COL8A2: variants seen among roughly 807,000 people sequenced by gnomAD.
The protein encoded by COL8A2 is collagen type VIII alpha 2 chain, also known as collagen alpha-2(VIII) chain.
In COL8A2, 16 loss-of-function variants were observed where a neutral mutation model predicts 24.0. The ratio of observed to expected loss-of-function variants is 0.67; its 90% CI spans 0.45 to 1.01. The LOEUF (loss-of-function observed/expected upper bound fraction) is 1.01. Ranked by LOEUF, COL8A2 falls within the 50% of genes least tolerant of loss-of-function variation. The probability of loss-of-function intolerance (pLI) is 0.00; values close to 1 mark genes in which losing one functional copy is unlikely to be tolerated. For missense variants in COL8A2, 818 were observed against 942.4 expected (o/e 0.87, Z 1.73); for synonymous variants, 466 against 424.5 (o/e 1.10, Z -1.20).
In COL8A2 at chr1:36,113,031, T is replaced by C. The variant is rs368995701; in HGVS notation, c.-17+2677A>G. 7.9e-5 allele frequency among the ~76,000 whole-genome samples: 12 copies of C among 152,286 alleles called. No individual in the cohort carries two copies. The South Asian group carries it at 1.0e-3, about 13-fold the overall frequency. On this transcript the variant is annotated intron_variant, in intron 2 of 3. Coordinates refer to ENST00000397799, the MANE Select transcript of COL8A2 (RefSeq NM_005202.4). ...GAGGCATGCTTTAGACTCAGTAGAA[T>C]GTGGACCAGTTAGGAAGGAGGGGGT... is the stretch of plus-strand genomic sequence containing the variant.
rs1435459936 is a variant in COL8A2, at chr1:36,095,607, T to C, written c.*1962A>G. The C allele has an allele frequency of 6.6e-6, 1 of 152,122 alleles. No individual in the cohort carries two copies. The highest frequency in any genetic ancestry group is 6.5e-5 in the Admixed American group (1 of 15,272). 9.4% of individuals were successfully genotyped at this position (152,122 alleles called of 1,614,324 possible). A position where few individuals can be genotyped will look rare whatever the true frequency, so the allele number is the denominator to read the frequency against. On this transcript the variant is annotated 3_prime_UTR_variant, in exon 4 of 4. Coordinates refer to ENST00000397799, the MANE Select transcript of COL8A2 (RefSeq NM_005202.4). ...AACGCCAACCACCCCTCCTGAAAGG[T>C]TTGAGGAATGAAATTTGGCAGAAGC...
chr1:36,119,533 C>A (rs1016091541), intron 1 of COL8A2, among the ~76,000 whole-genome samples: 1 of 152,244 alleles, frequency 6.6e-6, no homozygotes, highest in Non-Finnish European at 1.5e-5. Flanking sequence ...AATCCAGCCC[C>A]TGCTGCCGCT....
intron 1 of COL8A2, among the ~76,000 whole-genome samples, chr1:36,116,170 C>T (rs1643878723): frequency 6.6e-6 from 1 of 152,122 alleles, no homozygotes; most frequent in South Asian, 2.1e-4. Flanking sequence ...ACCAGAACCC[C>T]CTGCTGGAAA....
At position 36,123,270 on chromosome 1, in the gene COL8A2, T is replaced by C; in HGVS notation, c.-62+1787A>G. Among the ~76,000 whole-genome samples the C allele has an allele frequency of 6.6e-6, 1 of 152,194 alleles. No individual in the cohort carries two copies. Among genetic ancestry groups the C allele is most frequent in the Middle Eastern group, 3.2e-3 (1 of 316 alleles). On this transcript the variant is annotated intron_variant, in intron 1 of 3. Transcript: ENST00000397799. This position sits in a 1 kb window ranked among gnomAD's most constrained non-coding sequence, Gnocchi z 4.1. Reference sequence around the variant, plus strand: ...GTAAGAGGTGCCCCATCCCTGCCACTGAGAGTTCTGGAGCGGGCTGGGGGG... The same window carrying C: ...GTAAGAGGTGCCCCATCCCTGCCACCGAGAGTTCTGGAGCGGGCTGGGGGG...
At chr1:36,104,787 T>A (rs12043016) in intron 2 of COL8A2, among the ~76,000 whole-genome samples, 10,978 of 152,104 alleles carry the variant, frequency 0.072, 951 homozygotes, top group East Asian at 0.3. Context: ...AGAGCGAGAC[T>A]CCATCTCAAA....
At chr1:36,099,711 G>T (rs1368864368) in intron 3 of COL8A2, among the ~76,000 whole-genome samples, 1 of 152,086 alleles carries the variant, frequency 6.6e-6, no homozygotes, top group Non-Finnish European at 1.5e-5. Flanking sequence ...ACCTAGGCTG[G>T]GCCTCCTCCA....
chr1:36,109,535 G>C (rs941161350), intron 2 of COL8A2, among the ~76,000 whole-genome samples: 1 of 151,562 alleles, frequency 6.6e-6, no homozygotes, highest in Admixed American at 6.6e-5. Flanking sequence ...GTCCTCATCT[G>C]CAAAAGGATT....
intron 2 of COL8A2, among the ~76,000 whole-genome samples, chr1:36,112,872 G>A (rs1643862107): frequency 6.6e-6 from 1 of 152,204 alleles, no homozygotes. Flanking sequence ...GCTCCCAGAG[G>A]ACGCTGACCC....
In COL8A2 at chr1:36,098,570, T is replaced by A; in HGVS notation, c.1111A>T (p.Arg371Ter). The A allele has an allele frequency of 6.2e-7, 1 of 1,607,624 alleles. No individual in the cohort carries two copies. The highest frequency in any genetic ancestry group is 8.5e-7 in the Non-Finnish European group (1 of 1,177,828). Residue 371 changes from arginine to a stop codon, truncating the protein, a stop_gained, in exon 4 of 4, where the codon AGA (arginine) becomes TGA (stop). Coordinates refer to ENST00000397799, the MANE Select transcript of COL8A2 (RefSeq NM_005202.4). LOFTEE classifies it high-confidence loss of function. Reference sequence around the variant, plus strand: ...CCCTTAGGCCCAGGGGGCCCACGTCTGCCAGGAAGCCCTGCAGACCCAGGA... The same window carrying A: ...CCCTTAGGCCCAGGGGGCCCACGTCAGCCAGGAAGCCCTGCAGACCCAGGA... ...GLPGSAGLPG[R>*]RGPPGPKGEA...
chr1:36,116,475 C>A (rs758287428), intron 1 of COL8A2, among the ~76,000 whole-genome samples: 2 of 152,230 alleles, frequency 1.3e-5, no homozygotes, highest in Non-Finnish European at 2.9e-5. Flanking sequence ...GTGGAGGACC[C>A]AAGCCTGGGT....
intron 1 of COL8A2, among the ~76,000 whole-genome samples, chr1:36,120,363 G>T (rs753376155): frequency 1.3e-5 from 2 of 152,130 alleles, no homozygotes; most frequent in Non-Finnish European, 2.9e-5. Context: ...TGAAGCAGGA[G>T]AATTGCTCAA....
At chr1:36,116,511 C>T (rs1364854549) in intron 1 of COL8A2, among the ~76,000 whole-genome samples, 1 of 152,200 alleles carries the variant, frequency 6.6e-6, no homozygotes, top group Admixed American at 6.5e-5. Context: ...TGGTTCAACC[C>T]CATACCCTGC....
In COL8A2 at chr1:36,097,688, G is replaced by A. The variant is rs748443606; in HGVS notation, c.1993C>T (p.Leu665Phe). 1.2e-6 allele frequency: 2 copies of A among 1,613,456 alleles called. No homozygotes were observed. The highest frequency in any genetic ancestry group is 1.3e-5 in the African/African-American group (1 of 74,930). ...YLDQASGGAV[L>F]QLRPNDQVWV... ...ACCTGGTCGTTGGGCCGCAGCTGGA[G>A]CACGGCCCCACCAGATGCCTGGTCC... The change falls in exon 4 of 4, where the codon CTC becomes TTC. Residue 665 changes from leucine (L) to phenylalanine (F), a missense_variant. Transcript: ENST00000397799.
intron 2 of COL8A2, among the ~76,000 whole-genome samples, chr1:36,106,320 C>G (rs956139821): frequency 1.1e-4 from 16 of 152,056 alleles, no homozygotes; most frequent in African/African-American, 3.9e-4. Context: ...GGGCCACTCG[C>G]CAAGAGCACC....
chr1:36,121,526 G>T (rs1643914313), intron 1 of COL8A2, among the ~76,000 whole-genome samples: 1 of 151,228 alleles, frequency 6.6e-6, no homozygotes, highest in Admixed American at 6.6e-5. Context: ...TGCAAGAGCA[G>T]CCTGGCCCCA....
At chr1:36,122,478 G>T (rs1022051250) in intron 1 of COL8A2, among the ~76,000 whole-genome samples, 2 of 152,076 alleles carry the variant, frequency 1.3e-5, no homozygotes, top group Non-Finnish European at 2.9e-5. Flanking sequence ...ACCCACCCAG[G>T]CTTCAAGGCT....
At chr1:36,099,858 G>A (rs552102222) in intron 3 of COL8A2, among the ~76,000 whole-genome samples, 192 bp downstream of exon 3, 1 of 152,288 alleles carries the variant, frequency 6.6e-6, no homozygotes, top group African/African-American at 2.4e-5. Context: ...CTCCCCCTTG[G>A]AAGACCACCT....
chr1:36,122,748 C>G (rs182249141), intron 1 of COL8A2, among the ~76,000 whole-genome samples: 4 of 152,286 alleles, frequency 2.6e-5, no homozygotes, highest in African/African-American at 7.2e-5. Flanking sequence ...GAAGATCCCC[C>G]CTTCATCCTT....
At position 36,115,621 on chromosome 1, in the gene COL8A2, G is replaced by A; in HGVS notation, c.-17+87C>T. 1 of 774,924 alleles carries A rather than the reference G, an allele frequency of 1.3e-6. No homozygotes were observed. The highest frequency in any genetic ancestry group is 1.6e-6 in the Non-Finnish European group (1 of 637,602). The allele number at this position is 774,924 out of a possible 1,614,324, so 48.0% of individuals were successfully genotyped here. On this transcript the variant is annotated intron_variant, in intron 2 of 3. Transcript: ENST00000397799. This position sits in a 1 kb window ranked among gnomAD's most constrained non-coding sequence, Gnocchi z 5.7. ...GGGCCTGGGAGGGGCTTCCGGTGCA[G>A]CAGGAGGGAGTGAGGTTAGACAGCA... is the stretch of plus-strand genomic sequence containing the variant.
Sources: gnomAD v4.1 joint callset for allele counts (sites outside exome capture counted in the v4.1 genomes callset) on GRCh38, gnomAD v4.1.1 for gene constraint, Gnocchi (gnomAD v3.1) non-coding constraint, MANE v1.5 for transcripts, NCBI Gene and HGNC (gene_info 2026-07-23, HGNC 2026-07-21) for gene names.